Variants in WDR44 observed in about 807,000 individuals in gnomAD.
The protein encoded by WDR44 is WD repeat-containing protein 44.
WDR44 carries 9 observed loss-of-function variants against 65.7 expected under a neutral mutation model. That is an observed-to-expected ratio of 0.14 (90% CI 0.08 to 0.24). The LOEUF (loss-of-function observed/expected upper bound fraction) is 0.24, where lower values mean the gene tolerates loss of function less well. Among genes scored for constraint, WDR44 ranks in the 10% least tolerant of loss-of-function variants. WDR44 has a pLI of 1.00. For synonymous variants in WDR44, 220 were observed against 235.2 expected (o/e 0.94, Z 0.59); for missense variants, 425 against 670.9 (o/e 0.63, Z 4.05).
chrX:118,448,616 C>T (rs1242059227), intron 19 of WDR44, among the ~76,000 whole-genome samples: 2 of 111,548 alleles, frequency 1.8e-5, no homozygotes, highest in Non-Finnish European at 3.8e-5. Flanking sequence ...CCTAGGCTGC[C>T]TAGGAATAGG....
rs189723791 is a variant in WDR44 at position 118,373,401 on chromosome X, A to T, written c.78-5018A>T. On this transcript the variant is annotated intron_variant, in intron 1 of 19. Coordinates refer to ENST00000254029, the MANE Select transcript of WDR44 (RefSeq NM_019045.5). ...TGCTTTTGAGATTTTTAAATTCAAA[A>T]ATAGTTAAAATATTATCAAAAATTT... Among the ~76,000 whole-genome samples, 8 of 111,941 alleles carry T rather than the reference A, an allele frequency of 7.1e-5. No homozygotes were observed. In the East Asian group the frequency reaches 2.2e-3, roughly 31 times the overall value.
In WDR44 at chrX:118,346,311, C is replaced by T; in HGVS notation, c.-193C>T. 1 of 421,700 alleles carries T rather than the reference C, an allele frequency of 2.4e-6. No homozygotes were observed. Among genetic ancestry groups the T allele is most frequent in the Non-Finnish European group, 4.2e-6 (1 of 240,839 alleles). 34.8% of individuals were successfully genotyped at this position (421,700 alleles called of 1,213,427 possible). ...CTCTTCAGGCGGCCGCTTTGCCGGT[C>T]ATTCCCGAAGCCCGGCAACTGAGGG... On this transcript the variant is annotated 5_prime_UTR_variant, in exon 1 of 20. Coordinates refer to ENST00000254029, the MANE Select transcript of WDR44 (RefSeq NM_019045.5).
intron 1 of WDR44, among the ~76,000 whole-genome samples, chrX:118,356,487 AT>A (rs1197477926): frequency 1.8e-5 from 2 of 109,658 alleles, no homozygotes; most frequent in Non-Finnish European, 3.8e-5. Context: ...TAACTGATTC[AT>A]TTTTTTGGCC....
At chrX:118,378,883 AAC>A (rs1491239037) in intron 2 of WDR44, among the ~76,000 whole-genome samples, 3 of 106,920 alleles carry the variant, frequency 2.8e-5, no homozygotes, top group African/African-American at 1.0e-4. Flanking sequence ...AAAAAAAAAA[AAC>A]ACACAAAAAT....
chrX:118,396,532 A>G (rs1255246291), intron 6 of WDR44, among the ~76,000 whole-genome samples: 1 of 112,401 alleles, frequency 8.9e-6, no homozygotes, highest in Non-Finnish European at 1.9e-5. Flanking sequence ...AAACCTTGAA[A>G]ACATCATGTT....
In WDR44 at chrX:118,392,274, G is replaced by A. The variant is rs145104272; in HGVS notation, c.187-358G>A. Among the ~76,000 whole-genome samples, 355 of 111,950 alleles carry A rather than the reference G, an allele frequency of 3.2e-3. No individual in the cohort carries two copies. In the Middle Eastern group the frequency reaches 0.037, roughly 12 times the overall value. On this transcript the variant is annotated intron_variant, in intron 3 of 19. Coordinates refer to ENST00000254029, the MANE Select transcript of WDR44 (RefSeq NM_019045.5). ...ATGAATCAGGATATTGAGTCTTAATGTAAGTTTAGGATTGAACTTGATTTT... is the reference window on the plus strand; with the variant it reads ...ATGAATCAGGATATTGAGTCTTAATATAAGTTTAGGATTGAACTTGATTTT...
At chrX:118,382,784 T>C (rs766553007) in intron 2 of WDR44, among the ~76,000 whole-genome samples, 28 of 112,278 alleles carry the variant, frequency 2.5e-4, no homozygotes, top group African/African-American at 8.4e-4. Flanking sequence ...TTGAATAAGC[T>C]ACCATACCTT....
At chrX:118,399,678 T>C (rs2056895120) in intron 8 of WDR44, among the ~76,000 whole-genome samples, 1 of 111,873 alleles carries the variant, frequency 8.9e-6, no homozygotes, top group Admixed American at 9.6e-5. Flanking sequence ...TCTTACATCA[T>C]TTTTTTTAAA....
chrX:118,352,351 T>TATATATATATATATATATATATATA (rs2056420246), intron 1 of WDR44, among the ~76,000 whole-genome samples: 3 of 22,259 alleles, frequency 1.3e-4, no homozygotes, highest in Non-Finnish European at 1.9e-4. Context: ...TATATATATA[T>TATATATATATATATATATATATATA]ATTTTTTTTT....
intron 1 of WDR44, among the ~76,000 whole-genome samples, chrX:118,349,630 TC>T (rs1183151134): frequency 1.8e-5 from 2 of 109,730 alleles, no homozygotes; most frequent in African/African-American, 6.7e-5. Context: ...CGATCTCTGC[TC>T]ACTGCAACCT....
rs2057373444 is a variant in WDR44 at position 118,449,407 on chromosome X, C to T, written c.*420C>T. 8.9e-6 allele frequency: 1 copy of T among 112,315 alleles called. No homozygotes were observed. 9.3% of individuals were successfully genotyped at this position (112,315 alleles called of 1,213,427 possible). A position where few individuals can be genotyped will look rare whatever the true frequency, so the allele number is the denominator to read the frequency against. On this transcript the variant is annotated 3_prime_UTR_variant, in exon 20 of 20. Transcript: ENST00000254029. Reference sequence around the variant, plus strand: ...TCTAGCTTAAACAATTTTTTTTTTGCACAAAATTTCATTTTTAATAAAAGT... The same window carrying T: ...TCTAGCTTAAACAATTTTTTTTTTGTACAAAATTTCATTTTTAATAAAAGT...
At position 118,393,057 on chromosome X, in the gene WDR44, C is replaced by T. The variant is rs5956050; in HGVS notation, c.612C>T (p.Ala204=). 0.052 allele frequency: 62,442 copies of T among 1,209,459 alleles called. 6,753 individuals carry two copies. Among genetic ancestry groups the T allele is most frequent in the African/African-American group, 0.44 (25,284 of 56,855 alleles). The part of the protein sequence containing the change: ...SSDSLSTKDF[A]AVEEVAPAKP... ...ACTCCTTATCTACTAAAGATTTTGC[C>T]GCTGTGGAAGAAGTGGCCCCTGCCA... Residue 204 remains alanine, a synonymous_variant, in exon 4 of 20, where the codon GCC becomes GCT. Transcript: ENST00000254029.
intron 12 of WDR44, among the ~76,000 whole-genome samples, chrX:118,414,251 C>G (rs865800157): frequency 2.7e-5 from 2 of 74,616 alleles, no homozygotes; most frequent in Non-Finnish European, 4.8e-5. Context: ...GTTGAACTTG[C>G]GATTGCTTTT....
intron 2 of WDR44, among the ~76,000 whole-genome samples, chrX:118,381,522 A>G (rs1025401584): frequency 1.9e-5 from 2 of 107,909 alleles, no homozygotes; most frequent in African/African-American, 6.8e-5. Context: ...TTGAAGCAGG[A>G]TATTTTTGGG....
intron 4 of WDR44, among the ~76,000 whole-genome samples, chrX:118,393,687 C>T (rs898125572): frequency 1.8e-5 from 2 of 111,204 alleles, no homozygotes; most frequent in Non-Finnish European, 3.8e-5. Flanking sequence ...TATTAAAAAA[C>T]TCACTGGCAA....
At chrX:118,438,012 C>T (rs1008232143) in intron 14 of WDR44, among the ~76,000 whole-genome samples, 153 of 102,091 alleles carry the variant, frequency 1.5e-3, no homozygotes, top group African/African-American at 5.2e-3. Flanking sequence ...GGCAATAGAG[C>T]GAGACTCTGT....
intron 10 of WDR44, among the ~76,000 whole-genome samples, chrX:118,408,668 G>C (rs2056987971): frequency 9.3e-6 from 1 of 107,352 alleles, no homozygotes; most frequent in Admixed American, 1.0e-4. Flanking sequence ...CAAAGTGCTG[G>C]GATTACAGGC....
chrX:118,352,987 A>T (rs181610918), intron 1 of WDR44, among the ~76,000 whole-genome samples: 22 of 112,124 alleles, frequency 2.0e-4, no homozygotes, highest in African/African-American at 7.1e-4. Context: ...AAATACCTCA[A>T]ATCAAAGTTA....
intron 12 of WDR44, among the ~76,000 whole-genome samples, chrX:118,432,118 G>A (rs2147743632): frequency 8.9e-6 from 1 of 111,923 alleles, no homozygotes; most frequent in South Asian, 3.7e-4. Flanking sequence ...AAACAATGAG[G>A]AAGCAACTCT....
Sources: allele counts gnomAD v4.1 joint callset (sites outside exome capture counted in the v4.1 genomes callset), GRCh38; gene constraint gnomAD v4.1.1; transcripts MANE v1.5; gene names NCBI Gene and HGNC (gene_info 2026-07-23, HGNC 2026-07-21).